Variants in CSMD1 observed in about 807,000 individuals in gnomAD.
The protein encoded by CSMD1 is CUB and sushi domain-containing protein 1.
Under a neutral mutation model 417.5 loss-of-function variants are expected in CSMD1, and 213 were observed. The observed-to-expected ratio is 0.51, with a 90% CI of 0.46 to 0.57. The LOEUF is 0.57. Among genes scored for constraint, CSMD1 ranks in the 20% least tolerant of loss-of-function variants. The pLI is 0.00. For synonymous variants in CSMD1, 2,862 were observed against 1,736.8 expected (o/e 1.65, Z -16.11); for missense variants, 6,923 against 4,529.7 (o/e 1.53, Z -15.17).
At chr8:3,715,403 C>A (rs764063272) in intron 6 of CSMD1, among the ~76,000 whole-genome samples, 36 of 152,198 alleles carry the variant, frequency 2.4e-4, no homozygotes, top group Non-Finnish European at 3.1e-4. Context: ...TAAAGCTCAT[C>A]ACCTTGAAAA....
At chr8:3,075,552 A>G (rs1813601252) in intron 49 of CSMD1, among the ~76,000 whole-genome samples, 1 of 151,948 alleles carries the variant, frequency 6.6e-6, no homozygotes, top group Non-Finnish European at 1.5e-5. Flanking sequence ...AAGTGCTGGG[A>G]TGACAGGCAT....
At chr8:4,213,445 A>G (rs895122678) in intron 3 of CSMD1, among the ~76,000 whole-genome samples, 2 of 152,228 alleles carry the variant, frequency 1.3e-5, no homozygotes, top group African/African-American at 4.8e-5. Flanking sequence ...ATATGTGAGA[A>G]CAGGAACAGT....
At chr8:3,980,140 G>A (rs1202908256) in intron 5 of CSMD1, among the ~76,000 whole-genome samples, 1 of 152,090 alleles carries the variant, frequency 6.6e-6, no homozygotes, top group Non-Finnish European at 1.5e-5. Context: ...GTATAGTGCT[G>A]TACGGTTTAT....
At chr8:4,122,631 C>T (rs1802549753) in intron 3 of CSMD1, among the ~76,000 whole-genome samples, 1 of 152,144 alleles carries the variant, frequency 6.6e-6, no homozygotes, top group Non-Finnish European at 1.5e-5. Context: ...GATAAGCCTC[C>T]AATCGCCAAA....
At chr8:4,853,090 G>T (rs934235755) in intron 1 of CSMD1, among the ~76,000 whole-genome samples, 51 of 152,324 alleles carry the variant, frequency 3.3e-4, no homozygotes, top group African/African-American at 1.2e-3. Flanking sequence ...GCCTACCCAT[G>T]TGGTAGAAAA....
chr8:3,255,750 T>C (rs999781388), intron 26 of CSMD1, among the ~76,000 whole-genome samples: 2 of 152,170 alleles, frequency 1.3e-5, no homozygotes, highest in Admixed American at 6.5e-5. Flanking sequence ...GACCGGATTT[T>C]CCAGGTGCTG....
At chr8:4,949,276 C>G (rs1057483303) in intron 1 of CSMD1, among the ~76,000 whole-genome samples, 82 of 151,092 alleles carry the variant, frequency 5.4e-4, no homozygotes, top group African/African-American at 1.9e-3. Context: ...TGGGATTGTC[C>G]TTTTCCTATG....
intron 3 of CSMD1, among the ~76,000 whole-genome samples, chr8:4,096,942 A>C (rs939190527): frequency 3.6e-4 from 55 of 152,334 alleles, no homozygotes; most frequent in Non-Finnish European, 2.9e-5. Flanking sequence ...CCCAAAAACA[A>C]ACGCCATTTA....
intron 7 of CSMD1, among the ~76,000 whole-genome samples, chr8:3,694,660 G>T (rs1015630944): frequency 6.6e-6 from 1 of 151,932 alleles, no homozygotes; most frequent in African/African-American, 2.4e-5. Flanking sequence ...ACACAGCAGT[G>T]GAGGAGGTGC....
chr8:4,233,772 A>G (rs1296022249), intron 3 of CSMD1, among the ~76,000 whole-genome samples: 1 of 152,200 alleles, frequency 6.6e-6, no homozygotes, highest in Non-Finnish European at 1.5e-5. Context: ...CACAAATAAT[A>G]TCTGAGAAGA....
At chr8:3,916,516 T>C (rs1808841567) in intron 5 of CSMD1, among the ~76,000 whole-genome samples, 1 of 152,184 alleles carries the variant, frequency 6.6e-6, no homozygotes, top group South Asian at 2.1e-4. Flanking sequence ...ACTTCCTACT[T>C]AGGGATACGC....
At chr8:3,062,131 T>C (rs1812626542) in intron 49 of CSMD1, among the ~76,000 whole-genome samples, 1 of 152,222 alleles carries the variant, frequency 6.6e-6, no homozygotes, top group African/African-American at 2.4e-5. Context: ...TGAGCATTAA[T>C]GGGAATATTT....
intron 16 of CSMD1, among the ~76,000 whole-genome samples, chr8:3,399,020 T>G (rs1054320945): frequency 6.6e-6 from 1 of 152,108 alleles, no homozygotes; most frequent in South Asian, 2.1e-4. Flanking sequence ...AGAGCTGATT[T>G]CCTCTACCAC....
chr8:3,694,045 G>A (rs1413264466), intron 7 of CSMD1, among the ~76,000 whole-genome samples: 1 of 150,838 alleles, frequency 6.6e-6, no homozygotes, highest in Non-Finnish European at 1.5e-5. Flanking sequence ...TTGGGTATGT[G>A]TGTTGTGTTA....
At chr8:4,180,638 A>G (rs1363831748) in intron 3 of CSMD1, among the ~76,000 whole-genome samples, 9 of 152,140 alleles carry the variant, frequency 5.9e-5, no homozygotes, top group Admixed American at 2.0e-4. Flanking sequence ...AAACAAAACA[A>G]AAGAAGTTCT....
rs1563141347 is a variant in CSMD1, at chr8:3,205,960, CGA to C, written c.4868-342_4868-341del. 3.2e-3 allele frequency among the ~76,000 whole-genome samples: 482 copies of C among 152,126 alleles called. 4 individuals carry two copies. Among genetic ancestry groups the C allele is most frequent in the African/African-American group, 0.011 (450 of 41,492 alleles). On this transcript the variant is annotated intron_variant, in intron 30 of 69. Transcript: ENST00000635120. ...AGAAAGTCTCGCGGAGTTGTCTGTT[CGA>C]AGTCAATCCTCATATTAACTTAAGA...
At chr8:3,954,130 C>T (rs1471059305) in intron 5 of CSMD1, among the ~76,000 whole-genome samples, 1 of 152,114 alleles carries the variant, frequency 6.6e-6, no homozygotes, top group Non-Finnish European at 1.5e-5. Flanking sequence ...TCCCAGTTTC[C>T]CGAGGGGAAT....
At chr8:4,047,998 G>A (rs912299811) in intron 3 of CSMD1, among the ~76,000 whole-genome samples, 1 of 152,128 alleles carries the variant, frequency 6.6e-6, no homozygotes, top group African/African-American at 2.4e-5. Context: ...AGAGCTTTAA[G>A]TCTTTGTATG....
intron 1 of CSMD1, among the ~76,000 whole-genome samples, chr8:4,639,977 G>A (rs1193111111): frequency 6.6e-6 from 1 of 152,076 alleles, no homozygotes; most frequent in Non-Finnish European, 1.5e-5. Context: ...TCTGCTTTAC[G>A]AGTAATTCTT....
Sources: gnomAD v4.1 joint callset for allele counts (sites outside exome capture counted in the v4.1 genomes callset) on GRCh38, gnomAD v4.1.1 for gene constraint, MANE v1.5 for transcripts, NCBI Gene and HGNC (gene_info 2026-07-23, HGNC 2026-07-21) for gene names.